Variants in LONP1 observed in about 807,000 individuals in gnomAD.
LONP1 encodes lon protease homolog, mitochondrial.
In LONP1, 31 loss-of-function variants were observed where a neutral mutation model predicts 98.5. The observed-to-expected ratio is 0.31, with a 90% CI of 0.24 to 0.42. The LOEUF (loss-of-function observed/expected upper bound fraction) is 0.42, where lower values mean the gene tolerates loss of function less well. Ranked by LOEUF, LONP1 falls within the 20% of genes least tolerant of loss-of-function variation. The pLI is 1.00. For synonymous variants in LONP1, 781 were observed against 594.7 expected, an observed-to-expected ratio of 1.31 and a Z score of -4.56; for missense variants, 1,336 against 1,350.6, an observed-to-expected ratio of 0.99 and a Z score of 0.17.
chr19:5,699,095 G>C lies in LONP1; in HGVS notation c.1617C>G (p.Ala539=), dbSNP rs2054995266. ...KTSIARSIAR[A]LNREYFRFSV... is the part of the protein sequence containing the mutation. The stretch of plus-strand genomic sequence containing the variant: ...TGAAGCGGAAGTACTCTCGGTTCAG[G>C]GCGCGGGCGATGGAGCGAGCAATGC... The change falls in exon 10 of 18, where the codon GCC becomes GCG. Residue 539 remains alanine, a synonymous_variant. Transcript: ENST00000360614. 6 of 1,605,702 alleles carry C rather than the reference G, an allele frequency of 3.7e-6. No homozygotes were observed. The highest frequency in any genetic ancestry group is 1.3e-5 in the African/African-American group (1 of 74,740).
At position 5,719,668 on chromosome 19, in the gene LONP1, T is replaced by G. The variant is rs374227298; in HGVS notation, c.429+36A>C. 232 of 1,613,284 alleles carry G rather than the reference T, an allele frequency of 1.4e-4. 1 individual carries two copies. In the African/African-American group the frequency reaches 2.7e-3, roughly 19 times the overall value. On this transcript the variant is annotated intron_variant, in intron 1 of 17. Transcript: ENST00000360614. ...CGGTTCAGCCCGCTGCTTGCACAGG[T>G]GGGAAACCTGAGGCCGAGGCGGGGA...
chr19:5,703,962 G>C (rs569756937), intron 8 of LONP1, among the ~76,000 whole-genome samples: 9 of 152,340 alleles, frequency 5.9e-5, no homozygotes, highest in Middle Eastern at 3.4e-3. Context: ...GGAGACAGAA[G>C]AACCCCGAAA....
chr19:5,714,191 T>C lies in LONP1; in HGVS notation c.510A>G (p.Arg170=). Residue 170 remains arginine, a synonymous_variant, in exon 2 of 18, where the codon AGA becomes AGG. Coordinates refer to ENST00000360614, the MANE Select transcript of LONP1 (RefSeq NM_004793.4). ...GGAAAAATCACACTTACCTGTCATC[T>C]CTCTTTAGAAAGACGCCGACATAAG... ...AQPYVGVFLK[R]DDSNESDVVE... 6.2e-7 allele frequency: 1 copy of C among 1,612,606 alleles called. No individual in the cohort carries two copies. Among genetic ancestry groups the C allele is most frequent in the Non-Finnish European group, 8.5e-7 (1 of 1,179,368 alleles).
At chr19:5,705,744 G>T (rs767353785) in intron 8 of LONP1, 28 bp downstream of exon 8, 15 of 1,607,988 alleles carry the variant, frequency 9.3e-6, no homozygotes, top group Non-Finnish European at 1.3e-5. Flanking sequence ...TCACCTGAGG[G>T]CTGGGCCGCC....
intron 14 of LONP1, 96 bp downstream of exon 14, chr19:5,694,665 G>GCGGGGTGGTGGGGTGATGGGCC: frequency 6.4e-7 from 1 of 1,561,700 alleles, no homozygotes; most frequent in South Asian, 1.2e-5. Flanking sequence ...GGTGATGGGC[G>GCGGGGTGGTGGGGTGATGGGCC]CAGGAAAGTG....
rs1227393294 is a variant in LONP1, at chr19:5,708,371, C to G, written c.903G>C (p.Arg301=). 2 of 1,450,466 alleles carry G rather than the reference C, an allele frequency of 1.4e-6. No individual in the cohort carries two copies. Among genetic ancestry groups the G allele is most frequent in the African/African-American group, 3.4e-5 (2 of 58,512 alleles). The allele number at this position is 1,450,466 out of a possible 1,614,324, so 89.8% of individuals were successfully genotyped here. A position where few individuals can be genotyped will look rare whatever the true frequency, so the allele number is the denominator to read the frequency against. ...AGAGAGGGTTCAAGGCAATGATGTC[C>G]CGGATGGTCTTCACGATCTCTGCAG... is the stretch of plus-strand genomic sequence containing the variant. The part of the protein sequence containing the change: ...ALTAEIVKTI[R]DIIALNPLYR... The change falls in exon 5 of 18, where the codon CGG becomes CGC. Residue 301 remains arginine (R), a synonymous_variant. Coordinates refer to ENST00000360614, the MANE Select transcript of LONP1 (RefSeq NM_004793.4).
rs758358203 is a variant in LONP1 at position 5,700,863 on chromosome 19, G to C, written c.1432C>G (p.Leu478Val). Residue 478 changes from leucine (L) to valine (V), a missense_variant, in exon 9 of 18, where the codon CTG (leucine) becomes GTG (valine). Transcript: ENST00000360614. ...IPWGKYSNEN[L>V]DLARAQAVLE... ...ACTGCCTGTGCCCGCGCCAGGTCCA[G>C]GTTCTCGTTGCTGTACTTGCCCCAA... 2 of 1,614,214 alleles carry C rather than the reference G, an allele frequency of 1.2e-6. No individual in the cohort carries two copies. Among genetic ancestry groups the C allele is most frequent in the East Asian group, 4.5e-5 (2 of 44,888 alleles).
At chr19:5,704,829 T>C (rs2055117461) in intron 8 of LONP1, among the ~76,000 whole-genome samples, 1 of 152,194 alleles carries the variant, frequency 6.6e-6, no homozygotes, top group African/African-American at 2.4e-5. Flanking sequence ...GGGGTAGCCT[T>C]GCAAAGACAG....
Position 5,694,913 on chromosome 19 carries a change from A to G in LONP1, c.2014-12T>C. 6.3e-7 allele frequency: 1 copy of G among 1,588,962 alleles called. No homozygotes were observed. The highest frequency in any genetic ancestry group is 1.1e-5 in the South Asian group (1 of 90,476). ...GGCACCAGGTAGCGCTGCAAGGGCAACCGTCAGGGTTGGGTCTGGAGGGAC... is the reference window on the plus strand; with the variant it reads ...GGCACCAGGTAGCGCTGCAAGGGCAGCCGTCAGGGTTGGGTCTGGAGGGAC... On this transcript the variant is annotated splice_polypyrimidine_tract_variant and intron_variant, in intron 13 of 17. Transcript: ENST00000360614.
chr19:5,691,931 G>C lies in LONP1; in HGVS notation c.*101C>G, dbSNP rs954715479. On this transcript the variant is annotated 3_prime_UTR_variant, in exon 18 of 18. Transcript: ENST00000360614. ...TCTGGGTCACTGGACCGAGCTGCTC[G>C]CTCGGTGGCTCCACTGCCAGGTCCG... is the stretch of plus-strand genomic sequence containing the variant. 35 of 1,374,034 alleles carry C rather than the reference G, an allele frequency of 2.5e-5. No homozygotes were observed. The highest frequency in any genetic ancestry group is 3.4e-5 in the Non-Finnish European group (34 of 1,012,504). The allele number at this position is 1,374,034 out of a possible 1,614,324, so 85.1% of individuals were successfully genotyped here.
intron 3 of LONP1, 34 bp from the exon 4 acceptor site, chr19:5,712,036 G>A (rs376418812): frequency 1.7e-4 from 272 of 1,561,510 alleles, no homozygotes; most frequent in Non-Finnish European, 2.2e-4. Context: ...TGAATCAGCC[G>A]CTGAGGCTGG....
intron 8 of LONP1, among the ~76,000 whole-genome samples, chr19:5,704,680 A>G (rs1572491): frequency 6.6e-6 from 1 of 152,314 alleles, no homozygotes; most frequent in Non-Finnish European, 1.5e-5. Context: ...AAAGGATCTC[A>G]GAGGTACCTG....
chr19:5,697,726 A>C (rs2054965531), intron 10 of LONP1, among the ~76,000 whole-genome samples: 2 of 150,996 alleles, frequency 1.3e-5, no homozygotes, highest in Admixed American at 1.3e-4. Context: ...AATAACAACG[A>C]TCCATCGCCC....
At chr19:5,720,374 G>C, upstream of LONP1, 1 of 621,102 alleles carries the variant, frequency 1.6e-6, no homozygotes, top group East Asian at 3.2e-5. Context: ...CTGTGAGCAG[G>C]CGCCAGCGCC....
At chr19:5,694,996 A>G in intron 13 of LONP1, 95 bp from the exon 14 acceptor site, 1 of 1,398,486 alleles carries the variant, frequency 7.2e-7, no homozygotes, top group East Asian at 2.4e-5. Context: ...TGGCCCCCAG[A>G]CCCTGGCCTG....
intron 6 of LONP1, 141 bp downstream of exon 6, chr19:5,707,556 G>A (rs980492002): frequency 1.3e-4 from 112 of 833,574 alleles, no homozygotes; most frequent in Admixed American, 2.2e-4. Flanking sequence ...ACAGCTGGGT[G>A]TGGATGGTGC....
chr19:5,696,839 G>A lies in LONP1; in HGVS notation c.1686-82C>T, dbSNP rs532426530. 109 of 876,468 alleles carry A rather than the reference G, an allele frequency of 1.2e-4. No homozygotes were observed. The South Asian group carries it at 1.3e-3, about 11-fold the overall frequency. 54.3% of individuals were successfully genotyped at this position (876,468 alleles called of 1,614,324 possible). On this transcript the variant is annotated intron_variant, in intron 10 of 17. Coordinates refer to ENST00000360614, the MANE Select transcript of LONP1 (RefSeq NM_004793.4). ...CACCATGCACCCTCCAGGGCCACAG[G>A]GGAGAGGCCACCTGGAGCCCCACAA...
intron 10 of LONP1, among the ~76,000 whole-genome samples, chr19:5,697,827 T>C (rs1279121530): frequency 1.3e-5 from 2 of 151,606 alleles, no homozygotes; most frequent in African/African-American, 4.9e-5. Flanking sequence ...ACCTGGTGAC[T>C]CCCTCCCAAG....
intron 7 of LONP1, 132 bp from the exon 8 acceptor site, chr19:5,706,124 C>A (rs2055141768): frequency 1.6e-6 from 1 of 635,802 alleles, no homozygotes; most frequent in Admixed American, 2.8e-5. Context: ...GAGCACGAAG[C>A]CTTTGGTTCC....
Sources: allele counts gnomAD v4.1 joint callset (sites outside exome capture counted in the v4.1 genomes callset), GRCh38; gene constraint gnomAD v4.1.1; transcripts MANE v1.5; gene names NCBI Gene and HGNC (gene_info 2026-07-23, HGNC 2026-07-21).